Variants in TCEANC2 observed in about 807,000 individuals in gnomAD.
TCEANC2 encodes transcription elongation factor A N-terminal and central domain-containing protein 2.
Under a neutral mutation model 22.8 loss-of-function variants are expected in TCEANC2, and 20 were observed. That is an observed-to-expected ratio of 0.88 (90% CI 0.62 to 1.28). TCEANC2 has a LOEUF of 1.28. TCEANC2 is among the 50% of genes most tolerant of loss of function. The pLI is 0.00. For missense variants in TCEANC2, 251 were observed against 249.7 expected (o/e 1.01, Z -0.03); for synonymous variants, 84 against 95.5 (o/e 0.88, Z 0.70).
intron 3 of TCEANC2, among the ~76,000 whole-genome samples, chr1:54,071,271 A>AT (rs1400099156): frequency 6.6e-6 from 1 of 152,128 alleles, no homozygotes; most frequent in Non-Finnish European, 1.5e-5. Flanking sequence ...TTTTCACACA[A>AT]TTTTTTTAAG....
chr1:54,077,631 T>C (rs1219898865), intron 3 of TCEANC2, among the ~76,000 whole-genome samples: 4 of 152,154 alleles, frequency 2.6e-5, no homozygotes, highest in African/African-American at 9.7e-5. Context: ...AATTATTTAC[T>C]TCTTTATTTT....
intron 1 of TCEANC2, 25 bp from the exon 2 acceptor site, chr1:54,054,356 A>G: frequency 6.3e-7 from 1 of 1,597,470 alleles, no homozygotes; most frequent in Non-Finnish European, 8.5e-7. Flanking sequence ...GTGGGGTTTT[A>G]GAATCTGCCC....
In TCEANC2 at chr1:54,104,605, C is replaced by T. The variant is rs113321533; in HGVS notation, c.*8132C>T. Reference sequence around the variant, plus strand: ...CACCCAGGCTGGAGTGCAGTGGCACCATCTCGGCTCACTGCAACCTCTGCC... The same window carrying T: ...CACCCAGGCTGGAGTGCAGTGGCACTATCTCGGCTCACTGCAACCTCTGCC... On this transcript the variant is annotated 3_prime_UTR_variant, in exon 5 of 5. Transcript: ENST00000234827. The T allele has an allele frequency of 7.6e-3, 3,437 of 451,762 alleles. 97 individuals are homozygous for T. Among genetic ancestry groups the T allele is most frequent in the African/African-American group, 0.063 (3,125 of 49,898 alleles). 28.0% of individuals were successfully genotyped at this position (451,762 alleles called of 1,614,324 possible).
rs150916773 is a variant in TCEANC2, at chr1:54,057,631, A to G, written c.102+3107A>G. On this transcript the variant is annotated intron_variant, in intron 2 of 4. Transcript: ENST00000234827. ...TGTCTCCCTGCCTTTGACATCCCGCATTCACCTCCCTTCCACTCTTACACC... is the reference window on the plus strand; with the variant it reads ...TGTCTCCCTGCCTTTGACATCCCGCGTTCACCTCCCTTCCACTCTTACACC... Among the ~76,000 whole-genome samples, 441 of 152,146 alleles carry G rather than the reference A, an allele frequency of 2.9e-3. 3 individuals carry two copies. Among genetic ancestry groups the G allele is most frequent in the Middle Eastern group, 0.024 (7 of 294 alleles).
At chr1:54,088,886 T>C (rs1237801192) in intron 4 of TCEANC2, 96 bp downstream of exon 4, 1 of 831,222 alleles carries the variant, frequency 1.2e-6, no homozygotes, top group Non-Finnish European at 1.7e-6. Flanking sequence ...ATGTGATTAG[T>C]AGGTGCTCTT....
At chr1:54,087,081 T>G (rs1252659929) in intron 3 of TCEANC2, among the ~76,000 whole-genome samples, 1 of 152,240 alleles carries the variant, frequency 6.6e-6, no homozygotes, top group African/African-American at 2.4e-5. Flanking sequence ...AGAAAGCTAT[T>G]GGTTTTTAAA....
intron 4 of TCEANC2, among the ~76,000 whole-genome samples, chr1:54,091,177 C>A (rs1467840656): frequency 6.6e-6 from 1 of 151,344 alleles, no homozygotes. Flanking sequence ...ACTCTGCTTT[C>A]CTTGCATAAA....
chr1:54,089,812 CA>C, intron 4 of TCEANC2: 1 of 393,342 alleles, frequency 2.5e-6, no homozygotes. Flanking sequence ...GAATTTGCAC[CA>C]AAGCAGCAGC....
intron 2 of TCEANC2, among the ~76,000 whole-genome samples, chr1:54,061,499 C>G (rs1034083038): frequency 1.3e-5 from 2 of 152,158 alleles, no homozygotes; most frequent in African/African-American, 4.8e-5. Context: ...AGGATTACTA[C>G]TAACATTTAT....
intron 4 of TCEANC2, chr1:54,089,833 A>G: frequency 2.2e-6 from 1 of 445,842 alleles, no homozygotes; most frequent in Non-Finnish European, 4.1e-6. Context: ...CTGCATTGCC[A>G]CAGTTCTGTC....
At chr1:54,068,629 C>T (rs1657999018) in intron 2 of TCEANC2, 127 bp from the exon 3 acceptor site, 1 of 899,604 alleles carries the variant, frequency 1.1e-6, no homozygotes, top group African/African-American at 1.7e-5. Flanking sequence ...CCATCAGATG[C>T]ACTGTACTTT....
intron 2 of TCEANC2, among the ~76,000 whole-genome samples, chr1:54,067,759 A>G (rs1014411350): frequency 1.3e-5 from 2 of 152,220 alleles, no homozygotes; most frequent in African/African-American, 2.4e-5. Context: ...ACTATCATAT[A>G]GAAAATGCAT....
intron 2 of TCEANC2, among the ~76,000 whole-genome samples, chr1:54,067,321 C>A (rs1216326715): frequency 6.6e-6 from 1 of 152,006 alleles, no homozygotes; most frequent in Admixed American, 6.5e-5. Flanking sequence ...ATAGGGAGAG[C>A]CTGTGGGAGG....
intron 3 of TCEANC2, among the ~76,000 whole-genome samples, chr1:54,075,593 G>A (rs1658130347): frequency 6.6e-6 from 1 of 152,200 alleles, no homozygotes; most frequent in Non-Finnish European, 1.5e-5. Context: ...GGTCCAGTGA[G>A]ATGTTATTTG....
intron 4 of TCEANC2, chr1:54,089,728 A>G (rs1453653287): frequency 7.2e-6 from 2 of 276,304 alleles, no homozygotes. Context: ...TTTCTATCTC[A>G]ATTTTTTATC....
chr1:54,076,465 A>G (rs934487196), intron 3 of TCEANC2, among the ~76,000 whole-genome samples: 6 of 152,136 alleles, frequency 3.9e-5, no homozygotes, highest in African/African-American at 1.2e-4. Flanking sequence ...ATAGTATTCC[A>G]TGGTGTATCT....
intron 3 of TCEANC2, among the ~76,000 whole-genome samples, chr1:54,076,181 A>G (rs376034502): frequency 1.9e-3 from 290 of 152,264 alleles, no homozygotes; most frequent in Non-Finnish European, 3.4e-3. Context: ...CTTGTTGTAC[A>G]TATTATTTCG....
chr1:54,064,366 G>T (rs534245406), intron 2 of TCEANC2, among the ~76,000 whole-genome samples: 2 of 152,216 alleles, frequency 1.3e-5, no homozygotes, highest in East Asian at 3.9e-4. Context: ...ATTTACTGAA[G>T]TAAGTACACT....
exon 5 of TCEANC2, chr1:54,111,302 ATTAG>A (rs1658836010): frequency 6.6e-6 from 1 of 152,240 alleles, no homozygotes; most frequent in Non-Finnish European, 1.5e-5. Flanking sequence ...CGCAGCTTTT[ATTAG>A]TTTGAGTTGC....
Sources: gnomAD v4.1 joint callset for allele counts (sites outside exome capture counted in the v4.1 genomes callset) on GRCh38, gnomAD v4.1.1 for gene constraint, MANE v1.5 for transcripts, NCBI Gene and HGNC (gene_info 2026-07-23, HGNC 2026-07-21) for gene names.